Variants in MCUR1 observed in about 807,000 individuals in gnomAD.
MCUR1 encodes the protein mitochondrial calcium uniporter regulator 1, also known as MCU regulator 1.
Under a neutral mutation model 42.0 loss-of-function variants are expected in MCUR1, and 37 were observed. The ratio of observed to expected loss-of-function variants is 0.88; its 90% CI spans 0.68 to 1.16. The LOEUF (loss-of-function observed/expected upper bound fraction) is 1.16. Ranked by LOEUF, MCUR1 falls within the 50% of genes most tolerant of loss-of-function variation. The pLI, the probability that MCUR1 is intolerant of heterozygous loss-of-function variation, is 0.00. For missense variants in MCUR1, 469 were observed against 468.4 expected (o/e 1.00, Z -0.01); for synonymous variants, 229 against 196.2 (o/e 1.17, Z -1.40).
intron 6 of MCUR1, among the ~76,000 whole-genome samples, chr6:13,797,915 C>T (rs972894342): frequency 6.6e-6 from 1 of 151,272 alleles, no homozygotes; most frequent in Non-Finnish European, 1.5e-5. Context: ...CCCAGCTACT[C>T]GGGAGGCTGA....
chr6:13,806,781 C>G (rs1760120126), intron 2 of MCUR1, 144 bp downstream of exon 2: 1 of 1,005,476 alleles, frequency 9.9e-7, no homozygotes, highest in African/African-American at 1.7e-5. Context: ...AGAGCCAGAG[C>G]CTGTCTCTAA....
rs556311554 is a variant in MCUR1 at position 13,787,223 on chromosome 6, G to C, written c.*3586C>G. ...CAAAAGGAAAAGCCACATGGAAGCA[G>C]AGACAAAGGCAATCCCGACACACAG... On this transcript the variant is annotated 3_prime_UTR_variant, in exon 9 of 9. Coordinates refer to ENST00000379170, the MANE Select transcript of MCUR1 (RefSeq NM_001031713.4). 2 of 152,318 alleles carry C rather than the reference G, an allele frequency of 1.3e-5. No homozygotes were observed. The highest frequency in any genetic ancestry group is 4.8e-5 in the African/African-American group (2 of 41,590). The allele number at this position is 152,318 out of a possible 1,614,324, so 9.4% of individuals were successfully genotyped here.
Position 13,786,858 on chromosome 6 carries a change from T to C in MCUR1, c.*3951A>G, listed in dbSNP as rs575483700. ...CAAAGGAACATAAGTGTAAAATGTG[T>C]AGAAAGATAAATATTTTCCAAATAA... On this transcript the variant is annotated 3_prime_UTR_variant, in exon 9 of 9. Coordinates refer to ENST00000379170, the MANE Select transcript of MCUR1 (RefSeq NM_001031713.4). 3 of 152,298 alleles carry C rather than the reference T, an allele frequency of 2.0e-5. No homozygotes were observed. In the East Asian group the frequency reaches 5.8e-4, roughly 29 times the overall value. The allele number at this position is 152,298 out of a possible 1,614,324, so 9.4% of individuals were successfully genotyped here. A position where few individuals can be genotyped will look rare whatever the true frequency, so the allele number is the denominator to read the frequency against.
chr6:13,805,856 T>A (rs1243861401), intron 2 of MCUR1, among the ~76,000 whole-genome samples: 5 of 152,242 alleles, frequency 3.3e-5, no homozygotes, highest in Middle Eastern at 3.2e-3. Flanking sequence ...TATGAGAATG[T>A]TCCCTACATT....
rs1284151153 is a variant in MCUR1, at chr6:13,787,893, A to C, written c.*2916T>G. Reference sequence around the variant, plus strand: ...TTTATTTATTTTGAGACAGAGTCTCACTGTGTCGCCCAGGCAGATCTCGTC... The same window carrying C: ...TTTATTTATTTTGAGACAGAGTCTCCCTGTGTCGCCCAGGCAGATCTCGTC... On this transcript the variant is annotated 3_prime_UTR_variant, in exon 9 of 9. Transcript: ENST00000379170. 6.6e-6 allele frequency: 1 copy of C among 152,150 alleles called. No individual in the cohort carries two copies. Among genetic ancestry groups the C allele is most frequent in the Non-Finnish European group, 1.5e-5 (1 of 68,046 alleles). The allele number at this position is 152,150 out of a possible 1,614,324, so 9.4% of individuals were successfully genotyped here.
At chr6:13,797,011 G>GGA (rs1260350332) in intron 6 of MCUR1, among the ~76,000 whole-genome samples, 1 of 152,154 alleles carries the variant, frequency 6.6e-6, no homozygotes, top group Non-Finnish European at 1.5e-5. Flanking sequence ...CTTTATGGGT[G>GGA]GAGACTGTTG....
At chr6:13,800,280 A>C (rs1759961818) in intron 5 of MCUR1, 61 bp downstream of exon 5, 2 of 1,097,066 alleles carry the variant, frequency 1.8e-6, no homozygotes, top group East Asian at 5.2e-5. Context: ...TTCTAATATT[A>C]TACTTATTAA....
chr6:13,811,427 T>C (rs1205043122), intron 1 of MCUR1, among the ~76,000 whole-genome samples: 1 of 152,216 alleles, frequency 6.6e-6, no homozygotes, highest in Non-Finnish European at 1.5e-5. Context: ...GATGAATTCC[T>C]TTCTCCTCAG....
chr6:13,807,888 G>A (rs1208297817), intron 1 of MCUR1, among the ~76,000 whole-genome samples: 1 of 152,198 alleles, frequency 6.6e-6, no homozygotes, highest in African/African-American at 2.4e-5. Context: ...TAATGATGCT[G>A]AGCATTTTTT....
rs1399700741 is a variant in MCUR1 at position 13,814,200 on chromosome 6, G to A, written c.230C>T (p.Ser77Phe). 2 of 1,404,958 alleles carry A rather than the reference G, an allele frequency of 1.4e-6. No homozygotes were observed. Among genetic ancestry groups the A allele is most frequent in the Admixed American group, 3.4e-5 (1 of 29,544 alleles). The allele number at this position is 1,404,958 out of a possible 1,614,324, so 87.0% of individuals were successfully genotyped here. A position where few individuals can be genotyped will look rare whatever the true frequency, so the allele number is the denominator to read the frequency against. Residue 77 changes from serine (S) to phenylalanine (F), a missense_variant, in exon 1 of 9, where the codon TCC (serine) becomes TTC (phenylalanine). Ser to Phe is a radical substitution (Grantham distance 155). Transcript: ENST00000379170. Reference sequence around the variant, plus strand: ...CGGGGCTGCGGCGGCCAAGCGCGGGGAGGGCACTAGCAGGAGGAGGAGCAG... The same window carrying A: ...CGGGGCTGCGGCGGCCAAGCGCGGGAAGGGCACTAGCAGGAGGAGGAGCAG... ...SPLLLLLLVP[S>F]PRLAAAAPRR...
chr6:13,803,390 G>A (rs1015401399), intron 2 of MCUR1, among the ~76,000 whole-genome samples: 5 of 152,182 alleles, frequency 3.3e-5, no homozygotes, highest in African/African-American at 1.2e-4. Flanking sequence ...AAAAACATTG[G>A]ATAGTAACTC....
Position 13,789,120 on chromosome 6 carries a change from G to GA in MCUR1, c.*1688_*1689insT, listed in dbSNP as rs754106327. The GA allele has an allele frequency of 2.0e-5, 3 of 152,126 alleles. No homozygotes were observed. The highest frequency in any genetic ancestry group is 2.9e-5 in the Non-Finnish European group (2 of 68,022). 9.4% of individuals were successfully genotyped at this position (152,126 alleles called of 1,614,324 possible). A position where few individuals can be genotyped will look rare whatever the true frequency, so the allele number is the denominator to read the frequency against. ...CCAGTAATTTGAATAAGATGAGAAT[G>GA]GGCCAGGCGCAGCGGCTCACGCCTG... On this transcript the variant is annotated 3_prime_UTR_variant, in exon 9 of 9. Coordinates refer to ENST00000379170, the MANE Select transcript of MCUR1 (RefSeq NM_001031713.4).
intron 1 of MCUR1, among the ~76,000 whole-genome samples, chr6:13,812,316 G>A (rs924497279): frequency 3.3e-5 from 5 of 151,784 alleles, no homozygotes; most frequent in African/African-American, 1.2e-4. Context: ...TGGTTAATGG[G>A]CATACATGCT....
At chr6:13,809,147 A>G (rs996099834) in intron 1 of MCUR1, among the ~76,000 whole-genome samples, 2 of 152,028 alleles carry the variant, frequency 1.3e-5, no homozygotes, top group Non-Finnish European at 2.9e-5. Flanking sequence ...CTACAAGAAA[A>G]CCACTTGGGA....
In MCUR1 at chr6:13,814,413, A is replaced by C; in HGVS notation, c.17T>G (p.Val6Gly). 1.3e-6 allele frequency: 2 copies of C among 1,537,788 alleles called. No individual in the cohort carries two copies. The highest frequency in any genetic ancestry group is 1.7e-6 in the Non-Finnish European group (2 of 1,152,996). Residue 6 changes from valine (V) to glycine (G), a missense_variant, in exon 1 of 9, where the codon GTC (valine) becomes GGC (glycine). Val to Gly is a moderately radical substitution (Grantham distance 109). Transcript: ENST00000379170. ...CAGGCGCTGGGTCCTCTGGCCGCCG[A>C]CCGAGCCGCAGTCCATCCCCGAGCA... MDCGS[V>G]GGQRTQRLPG... is the part of the protein sequence containing the mutation.
rs891993611 is a variant in MCUR1 at position 13,797,215 on chromosome 6, C to G, written c.855+1618G>C. On this transcript the variant is annotated intron_variant, in intron 6 of 8. Coordinates refer to ENST00000379170, the MANE Select transcript of MCUR1 (RefSeq NM_001031713.4). Reference sequence around the variant, plus strand: ...TTGTCAAAAATGAGAAAACAACAAACAGTTGTGAGTACTCAGTTTCTGCAT... The same window carrying G: ...TTGTCAAAAATGAGAAAACAACAAAGAGTTGTGAGTACTCAGTTTCTGCAT... Among the ~76,000 whole-genome samples, 9 of 152,168 alleles carry G rather than the reference C, an allele frequency of 5.9e-5. 1 individual carries two copies. Among genetic ancestry groups the G allele is most frequent in the African/African-American group, 9.7e-5 (4 of 41,438 alleles).
intron 8 of MCUR1, among the ~76,000 whole-genome samples, chr6:13,791,525 A>G (rs1196204094): frequency 6.6e-6 from 1 of 152,188 alleles, no homozygotes; most frequent in Admixed American, 6.5e-5. Context: ...AGTTTAAGCA[A>G]TTGAAGCAGA....
intron 7 of MCUR1, among the ~76,000 whole-genome samples, chr6:13,793,264 T>C (rs892210577): frequency 1.3e-5 from 2 of 152,206 alleles, no homozygotes; most frequent in African/African-American, 4.8e-5. Context: ...ACTCCACTTC[T>C]GCATATATAC....
intron 1 of MCUR1, among the ~76,000 whole-genome samples, chr6:13,809,404 A>G (rs73360454): frequency 0.048 from 7,238 of 152,026 alleles, 568 homozygotes; most frequent in African/African-American, 0.17. Context: ...TTTTCTTGTA[A>G]TGTCTTTGCA....
Sources: allele counts gnomAD v4.1 joint callset (sites outside exome capture counted in the v4.1 genomes callset), GRCh38; gene constraint gnomAD v4.1.1; transcripts MANE v1.5; gene names NCBI Gene and HGNC (gene_info 2026-07-23, HGNC 2026-07-21).